Variants in INTS4 observed in about 807,000 individuals in gnomAD.
INTS4 encodes integrator complex subunit 4.
Under a neutral mutation model 119.5 loss-of-function variants are expected in INTS4, and 70 were observed. The observed-to-expected ratio is 0.59, with a 90% CI of 0.48 to 0.71. INTS4 has a LOEUF of 0.71. Ranked by LOEUF, INTS4 falls within the 30% of genes least tolerant of loss-of-function variation. The pLI, the probability that INTS4 is intolerant of heterozygous loss-of-function variation, is 0.00. For missense variants in INTS4, 867 were observed against 1,173.2 expected (o/e 0.74, Z 3.81); for synonymous variants, 316 against 419.6 (o/e 0.75, Z 3.02).
At chr11:77,977,402 A>G (rs979942968) in intron 4 of INTS4, among the ~76,000 whole-genome samples, 8 of 151,974 alleles carry the variant, frequency 5.3e-5, no homozygotes, top group African/African-American at 1.9e-4. Context: ...GAGCAAAATT[A>G]TATCACAATA....
intron 15 of INTS4, among the ~76,000 whole-genome samples, chr11:77,917,567 C>T (rs1425255149): frequency 6.6e-6 from 1 of 152,014 alleles, no homozygotes; most frequent in Admixed American, 6.5e-5. Context: ...GCCTCAGTCT[C>T]CCAAAGTGCT....
At chr11:77,955,921 T>G in intron 8 of INTS4, 21 bp downstream of exon 8, 1 of 1,582,370 alleles carries the variant, frequency 6.3e-7, no homozygotes, top group Non-Finnish European at 8.6e-7. Flanking sequence ...CATACATACA[T>G]ACATAAAAAG....
intron 15 of INTS4, chr11:77,911,176 T>C (rs560601778): frequency 8.6e-7 from 1 of 1,168,814 alleles, no homozygotes; most frequent in Non-Finnish European, 1.1e-6. Context: ...AAGAGTAAAT[T>C]ACTCTCAAAG....
intron 15 of INTS4, among the ~76,000 whole-genome samples, chr11:77,917,191 T>G (rs530858109): frequency 4.6e-5 from 7 of 152,316 alleles, no homozygotes; most frequent in African/African-American, 1.7e-4. Context: ...TGTTTCTTAG[T>G]GTATGGAATG....
intron 1 of INTS4, among the ~76,000 whole-genome samples, chr11:77,992,595 G>A (rs1856740004): frequency 6.6e-6 from 1 of 152,228 alleles, no homozygotes; most frequent in East Asian, 1.9e-4. Flanking sequence ...GCGTTTTTAT[G>A]TACTGAGCAA....
In INTS4 at chr11:77,960,359, G is replaced by A. The variant is rs137897551; in HGVS notation, c.690C>T (p.His230=). 16 of 1,602,370 alleles carry A rather than the reference G, an allele frequency of 1.0e-5. No individual in the cohort carries two copies. The highest frequency in any genetic ancestry group is 1.3e-5 in the Non-Finnish European group (15 of 1,171,122). The stretch of plus-strand genomic sequence containing the variant: ...AAGGTACCTGATTATAAATTGTTTG[G>A]TGTAATTTCAGTCCTCTTTCATGGA... The part of the protein sequence containing the change: ...LQLHERGLKL[H]QTIYNQACKL... Residue 230 remains histidine (H), a synonymous_variant, in exon 6 of 23, where the codon CAC becomes CAT. Coordinates refer to ENST00000534064, the MANE Select transcript of INTS4 (RefSeq NM_033547.4).
intron 8 of INTS4, among the ~76,000 whole-genome samples, chr11:77,943,217 T>C (rs771200375): frequency 1.3e-5 from 2 of 151,948 alleles, no homozygotes; most frequent in Non-Finnish European, 2.9e-5. Context: ...ACAGAGGGAG[T>C]GCTATGCAAA....
At chr11:77,986,360 G>T in intron 2 of INTS4, among the ~76,000 whole-genome samples, 1 of 152,102 alleles carries the variant, frequency 6.6e-6, no homozygotes. Context: ...GAGAGGATGT[G>T]GAGAAATAGG....
chr11:77,907,268 G>A (rs2136454980), intron 16 of INTS4, among the ~76,000 whole-genome samples: 1 of 152,220 alleles, frequency 6.6e-6, no homozygotes, highest in African/African-American at 2.4e-5. Flanking sequence ...GAGATGAGGT[G>A]TCGCTATGTT....
At chr11:77,990,179 A>G (rs1374471263) in intron 2 of INTS4, among the ~76,000 whole-genome samples, 1 of 148,378 alleles carries the variant, frequency 6.7e-6, no homozygotes, top group African/African-American at 2.5e-5. Context: ...AGATTGTGCC[A>G]CCACTATACT....
Position 77,879,063 on chromosome 11 carries a change from G to A in INTS4, c.2778C>T (p.Cys926=). 5.0e-6 allele frequency: 8 copies of A among 1,614,128 alleles called. No homozygotes were observed. Among genetic ancestry groups the A allele is most frequent in the Non-Finnish European group, 6.8e-6 (8 of 1,180,008 alleles). The change falls in exon 23 of 23, where the codon TGC becomes TGT. Residue 926 remains cysteine, a synonymous_variant. Transcript: ENST00000534064. The part of the protein sequence containing the change: ...AYNSSARIPK[C]PWMEGGEMSP... The stretch of plus-strand genomic sequence containing the variant: ...ACATCTCACCACCCTCCATCCAGGG[G>A]CATTTTGGAATGCGAGCACTGGAGT...
At chr11:77,952,260 A>C (rs541354084) in intron 8 of INTS4, among the ~76,000 whole-genome samples, 1 of 152,308 alleles carries the variant, frequency 6.6e-6, no homozygotes, top group South Asian at 2.1e-4. Flanking sequence ...GTGTAACTGG[A>C]TACTCACCAG....
chr11:77,913,307 ATTT>A (rs565622764), intron 15 of INTS4, among the ~76,000 whole-genome samples: 4 of 122,790 alleles, frequency 3.3e-5, no homozygotes, highest in Non-Finnish European at 3.3e-5. Context: ...GTTAGTTTAA[ATTT>A]TTTTTTTTTT....
At chr11:77,899,643 C>A (rs1331661703) in intron 18 of INTS4, among the ~76,000 whole-genome samples, 2 of 151,412 alleles carry the variant, frequency 1.3e-5, no homozygotes, top group South Asian at 2.1e-4. Flanking sequence ...GCACTCCAGC[C>A]TGGGCAACAA....
chr11:77,952,096 A>G (rs1253894111), intron 8 of INTS4, among the ~76,000 whole-genome samples: 1 of 152,170 alleles, frequency 6.6e-6, no homozygotes, highest in African/African-American at 2.4e-5. Context: ...CAATGTGTCA[A>G]TTTTTTAAAA....
intron 15 of INTS4, chr11:77,915,227 TCAA>T (rs1283390773): frequency 1.3e-5 from 2 of 153,240 alleles, no homozygotes; most frequent in Non-Finnish European, 2.9e-5. Flanking sequence ...AAAAATCCAG[TCAA>T]CAGTAGGATT....
chr11:77,976,309 C>A (rs1355142945), intron 4 of INTS4, among the ~76,000 whole-genome samples: 1 of 152,138 alleles, frequency 6.6e-6, no homozygotes, highest in East Asian at 1.9e-4. Flanking sequence ...CTTAGCTGGG[C>A]ACAGTAGTTC....
At chr11:77,910,271 T>G (rs962526971) in intron 15 of INTS4, among the ~76,000 whole-genome samples, 1,926 of 151,696 alleles carry the variant, frequency 0.013, 35 homozygotes, top group African/African-American at 0.045. Flanking sequence ...CCATAAAAAA[T>G]GATGAGTTCA....
At chr11:77,885,972 G>A (rs537219509) in intron 21 of INTS4, among the ~76,000 whole-genome samples, 16 of 152,132 alleles carry the variant, frequency 1.1e-4, no homozygotes, top group Admixed American at 7.2e-4. Context: ...GGGCTGAGGC[G>A]GGAGGATTGC....
Sources: allele counts gnomAD v4.1 joint callset (sites outside exome capture counted in the v4.1 genomes callset), GRCh38; gene constraint gnomAD v4.1.1; transcripts MANE v1.5; gene names NCBI Gene and HGNC (gene_info 2026-07-23, HGNC 2026-07-21).